Variants in DCLK1 observed in about 807,000 individuals in gnomAD.
DCLK1 encodes serine/threonine-protein kinase DCLK1.
In DCLK1, 16 loss-of-function variants were observed where a neutral mutation model predicts 86.2. The ratio of observed to expected loss-of-function variants is 0.19; its 90% CI spans 0.13 to 0.28. DCLK1 has a LOEUF of 0.28. Ranked by LOEUF, DCLK1 falls within the 10% of genes least tolerant of loss-of-function variation. The pLI is 1.00. For synonymous variants in DCLK1, 369 were observed against 370.5 expected, an observed-to-expected ratio of 1.00 and a Z score of 0.05; for missense variants, 590 against 940.2, an observed-to-expected ratio of 0.63 and a Z score of 4.87.
At chr13:35,855,543 T>C in intron 5 of DCLK1, 3 of 1,604,970 alleles carry the variant, frequency 1.9e-6, no homozygotes, top group South Asian at 2.2e-5. Flanking sequence ...ACAGTCTTAG[T>C]GTTGGACCTG....
intron 4 of DCLK1, among the ~76,000 whole-genome samples, chr13:35,930,699 T>G (rs1373264442): frequency 6.6e-6 from 1 of 152,216 alleles, no homozygotes; most frequent in African/African-American, 2.4e-5. Context: ...TTCCAGCATC[T>G]TGGCTTCCTA....
At chr13:35,871,187 C>G (rs1872250177) in intron 5 of DCLK1, 37 bp downstream of exon 5, 3 of 1,556,192 alleles carry the variant, frequency 1.9e-6, no homozygotes, top group Non-Finnish European at 2.7e-6. Flanking sequence ...GTGTCAGGAA[C>G]AAGGCAATTT....
intron 4 of DCLK1, among the ~76,000 whole-genome samples, chr13:35,880,658 G>A (rs948748425): frequency 6.6e-6 from 1 of 152,058 alleles, no homozygotes; most frequent in Non-Finnish European, 1.5e-5. Context: ...AGTGTAGTTG[G>A]TACATTTGCT....
At chr13:35,798,366 A>G (rs1566537823) in intron 15 of DCLK1, among the ~76,000 whole-genome samples, 1 of 152,256 alleles carries the variant, frequency 6.6e-6, no homozygotes, top group Non-Finnish European at 1.5e-5. Context: ...TCTGGTTTGC[A>G]GTCTATTCAT....
chr13:35,899,421 C>T (rs896907755), intron 4 of DCLK1, among the ~76,000 whole-genome samples: 1 of 150,324 alleles, frequency 6.7e-6, no homozygotes, highest in African/African-American at 2.4e-5. Context: ...ATAAAGTGTA[C>T]ATTGTACTAT....
intron 4 of DCLK1, among the ~76,000 whole-genome samples, chr13:35,880,129 T>C (rs770922387): frequency 6.6e-6 from 1 of 152,204 alleles, no homozygotes; most frequent in African/African-American, 2.4e-5. Context: ...AGACATAAAC[T>C]GAGTTTCGGG....
chr13:35,835,610 G>T (rs563228961), intron 8 of DCLK1, among the ~76,000 whole-genome samples: 82 of 152,236 alleles, frequency 5.4e-4, no homozygotes, highest in African/African-American at 1.7e-3. Context: ...CAATACATAT[G>T]CATTTTAAAG....
At chr13:35,999,978 A>G (rs1221229289) in intron 3 of DCLK1, among the ~76,000 whole-genome samples, 2 of 152,214 alleles carry the variant, frequency 1.3e-5, no homozygotes, top group Non-Finnish European at 2.9e-5. Context: ...TGGGACAGTT[A>G]TGCAGGAAGA....
chr13:36,039,665 C>G (rs34392389), intron 3 of DCLK1, among the ~76,000 whole-genome samples: 32,436 of 151,830 alleles, frequency 0.21, 4,079 homozygotes, highest in Non-Finnish European at 0.28. Flanking sequence ...AATACACTGC[C>G]CTTCTATCTT....
At chr13:36,052,839 T>G (rs1168597438) in intron 3 of DCLK1, among the ~76,000 whole-genome samples, 1 of 152,194 alleles carries the variant, frequency 6.6e-6, no homozygotes, top group Non-Finnish European at 1.5e-5. Context: ...GAGACGTCTA[T>G]GAACCCCTAG....
chr13:35,824,389 A>G (rs1406322290), intron 10 of DCLK1, among the ~76,000 whole-genome samples: 1 of 152,118 alleles, frequency 6.6e-6, no homozygotes, highest in African/African-American at 2.4e-5. Flanking sequence ...TTTGTTGCCC[A>G]GGCTGGTCTC....
At chr13:35,836,186 C>T in intron 7 of DCLK1, 45 bp from the exon 8 acceptor site, 1 of 1,456,340 alleles carries the variant, frequency 6.9e-7, no homozygotes. Context: ...AAAGGGAACA[C>T]AGATGTTGCA....
At chr13:36,021,940 G>A (rs1881802436) in intron 3 of DCLK1, among the ~76,000 whole-genome samples, 1 of 152,008 alleles carries the variant, frequency 6.6e-6, no homozygotes, top group African/African-American at 2.4e-5. Context: ...AACAAAAGCA[G>A]AATACACATT....
chr13:35,990,814 A>G (rs746904), intron 3 of DCLK1, among the ~76,000 whole-genome samples: 54,879 of 151,926 alleles, frequency 0.36, 11,050 homozygotes, highest in Non-Finnish European at 0.44. Context: ...TTTAAGTGAG[A>G]TATTTCTGAA....
intron 5 of DCLK1, among the ~76,000 whole-genome samples, chr13:35,857,479 C>T (rs1871130231): frequency 1.3e-5 from 2 of 152,168 alleles, no homozygotes; most frequent in African/African-American, 2.4e-5. Flanking sequence ...ATCAACACTG[C>T]CTCACCCTTG....
intron 3 of DCLK1, among the ~76,000 whole-genome samples, chr13:36,081,277 T>C (rs1248270402): frequency 2.0e-5 from 3 of 152,118 alleles, no homozygotes; most frequent in Admixed American, 1.3e-4. Flanking sequence ...AACATCTCAT[T>C]AAATACTGTC....
intron 3 of DCLK1, among the ~76,000 whole-genome samples, chr13:35,999,446 T>C (rs1197146481): frequency 6.6e-6 from 1 of 152,136 alleles, no homozygotes; most frequent in Non-Finnish European, 1.5e-5. Flanking sequence ...TAGTCAATGG[T>C]ATGGGTGGCC....
intron 4 of DCLK1, among the ~76,000 whole-genome samples, chr13:35,892,666 TCA>T (rs2153119784): frequency 6.6e-6 from 1 of 152,264 alleles, no homozygotes; most frequent in East Asian, 1.9e-4. Context: ...CTCAAGAAGT[TCA>T]CAGTCAGCAA....
At chr13:36,119,981 T>C (rs779706159) in intron 2 of DCLK1, among the ~76,000 whole-genome samples, 2 of 152,206 alleles carry the variant, frequency 1.3e-5, no homozygotes, top group Non-Finnish European at 2.9e-5. Flanking sequence ...TCTGTGATAC[T>C]TGTATAAGTC....
Sources: gnomAD v4.1 joint callset for allele counts (sites outside exome capture counted in the v4.1 genomes callset) on GRCh38, gnomAD v4.1.1 for gene constraint, MANE v1.5 for transcripts, NCBI Gene and HGNC (gene_info 2026-07-23, HGNC 2026-07-21) for gene names.